Variants in ZNF33A observed in about 807,000 individuals in gnomAD.
ZNF33A encodes zinc finger protein 33A, also known as brain my041 protein.
A neutral mutation model predicts 15.9 loss-of-function variants in ZNF33A; 9 were observed. The observed-to-expected ratio is 0.57, with a 90% CI of 0.34 to 0.99. ZNF33A has a LOEUF of 0.99. Among genes scored for constraint, ZNF33A ranks in the 50% least tolerant of loss-of-function variants. ZNF33A has a pLI of 0.02. For synonymous variants in ZNF33A, 294 were observed against 324.2 expected (o/e 0.91, Z 1.00); for missense variants, 843 against 941.6 (o/e 0.90, Z 1.37).
intron 4 of ZNF33A, among the ~76,000 whole-genome samples, chr10:38,046,137 C>T (rs2065938617): frequency 6.6e-6 from 1 of 152,122 alleles, no homozygotes; most frequent in African/African-American, 2.4e-5. Context: ...TTTGGCAGTT[C>T]TTTTCTAGAA....
rs140578085 is a variant in ZNF33A at position 38,011,633 on chromosome 10, A to AT, written c.-44-657dup. Among the ~76,000 whole-genome samples the AT allele has an allele frequency of 1.8e-4, 28 of 152,122 alleles. No homozygotes were observed. In the Middle Eastern group the frequency reaches 0.01, roughly 55 times the overall value. ...TTGCCTCATTTGTTAGAAGAAAAAG[A>AT]TTTTTTTTGTTTTTTTGTTTGTTAA... is the stretch of plus-strand genomic sequence containing the variant. On this transcript the variant is annotated intron_variant, in intron 1 of 4. Coordinates refer to ENST00000432900, the MANE Select transcript of ZNF33A (RefSeq NM_006954.2).
intron 4 of ZNF33A, among the ~76,000 whole-genome samples, chr10:38,045,437 CTG>C (rs2135716087): frequency 6.6e-6 from 1 of 152,344 alleles, no homozygotes; most frequent in Admixed American, 6.5e-5. Context: ...GTTTTCAACA[CTG>C]TCCTGGACCA....
chr10:38,019,605 A>C (rs2064644860), intron 4 of ZNF33A, among the ~76,000 whole-genome samples: 1 of 152,260 alleles, frequency 6.6e-6, no homozygotes, highest in South Asian at 2.1e-4. Flanking sequence ...CTGAGAGGAA[A>C]GCACTATCAA....
chr10:38,038,949 C>T (rs958315741), intron 4 of ZNF33A, among the ~76,000 whole-genome samples: 4 of 152,024 alleles, frequency 2.6e-5, no homozygotes, highest in East Asian at 1.9e-4. Context: ...TGTATGTAAC[C>T]CTTTTTATAT....
rs372301160 is a variant in ZNF33A, at chr10:38,010,745, C to T, written c.-83C>T. The T allele has an allele frequency of 8.8e-6, 14 of 1,598,332 alleles. No individual in the cohort carries two copies. Among genetic ancestry groups the T allele is most frequent in the Admixed American group, 3.3e-5 (2 of 60,000 alleles). ...GGTCCCGGGATTTCAAGGGTCTACG[C>T]GCTTTTCTATGGCGAATGCAACCCG... is the stretch of plus-strand genomic sequence containing the variant. On this transcript the variant is annotated 5_prime_UTR_variant, in exon 1 of 5. Coordinates refer to ENST00000432900, the MANE Select transcript of ZNF33A (RefSeq NM_006954.2).
intron 1 of ZNF33A, among the ~76,000 whole-genome samples, 170 bp from the exon 2 acceptor site, chr10:38,012,128 T>C (rs2064213374): frequency 6.6e-6 from 1 of 152,190 alleles, no homozygotes; most frequent in Non-Finnish European, 1.5e-5. Context: ...TATTCCGAAG[T>C]GTTCTTCCAC....
intron 4 of ZNF33A, among the ~76,000 whole-genome samples, chr10:38,051,524 AAT>A (rs2135744704): frequency 6.6e-6 from 1 of 152,244 alleles, no homozygotes; most frequent in African/African-American, 2.4e-5. Context: ...AGTTGCTAAA[AAT>A]ATAAATTTTG....
At chr10:38,028,657 G>A (rs1002916946) in intron 4 of ZNF33A, among the ~76,000 whole-genome samples, 4 of 151,996 alleles carry the variant, frequency 2.6e-5, no homozygotes, top group South Asian at 2.1e-4. Context: ...TAGTAGAGAT[G>A]GAGTTTTGCT....
At chr10:38,040,089 CCTT>C (rs1341082673) in intron 4 of ZNF33A, among the ~76,000 whole-genome samples, 1 of 151,470 alleles carries the variant, frequency 6.6e-6, no homozygotes, top group Non-Finnish European at 1.5e-5. Context: ...TTCTAATTTT[CCTT>C]CTTATTGCTT....
intron 4 of ZNF33A, among the ~76,000 whole-genome samples, chr10:38,022,988 C>T (rs1343802088): frequency 6.6e-6 from 1 of 152,118 alleles, no homozygotes; most frequent in Non-Finnish European, 1.5e-5. Flanking sequence ...CTCAGTCACC[C>T]AGGCTGGAGT....
intron 4 of ZNF33A, among the ~76,000 whole-genome samples, chr10:38,037,237 T>C (rs1281615622): frequency 6.6e-6 from 1 of 152,222 alleles, no homozygotes; most frequent in Non-Finnish European, 1.5e-5. Context: ...AATTAGTTTT[T>C]GTATATGGTG....
At position 38,058,145 on chromosome 10, in the gene ZNF33A, A is replaced by G. The variant is rs568596874; in HGVS notation, c.*1585A>G. 5.5e-5 allele frequency: 43 copies of G among 780,706 alleles called. No homozygotes were observed. The South Asian group carries it at 2.1e-3, about 38-fold the overall frequency. 48.4% of individuals were successfully genotyped at this position (780,706 alleles called of 1,614,324 possible). A position where few individuals can be genotyped will look rare whatever the true frequency, so the allele number is the denominator to read the frequency against. On this transcript the variant is annotated 3_prime_UTR_variant, in exon 5 of 5. Coordinates refer to ENST00000432900, the MANE Select transcript of ZNF33A (RefSeq NM_006954.2). ...TAAATCCAAAGTAACCTGAAAAAAC[A>G]TTAGAGTAAAAATCATTGAAATTGA...
intron 4 of ZNF33A, among the ~76,000 whole-genome samples, chr10:38,051,709 A>T (rs768267991): frequency 2.6e-5 from 4 of 152,076 alleles, no homozygotes; most frequent in Non-Finnish European, 4.4e-5. Context: ...ACATTTTACA[A>T]GTAATAAAAT....
At position 38,054,382 on chromosome 10, in the gene ZNF33A, G is replaced by A. The variant is rs1383311111; in HGVS notation, c.258G>A (p.Trp86Ter). The A allele has an allele frequency of 6.4e-7, 1 of 1,555,872 alleles. No homozygotes were observed. The highest frequency in any genetic ancestry group is 2.1e-5 in the Admixed American group (1 of 48,506). ...AATTTTGCTTGTTTCTAGAAGTCTG[G>A]ACAGCTGATCACCTGAAAGAGAGGA... ...EFPSQSFPEV[W>*]TADHLKERSQ... The change falls in exon 5 of 5, where the codon TGG becomes TGA. Residue 86 changes from tryptophan to a stop codon, truncating the protein, a stop_gained. Transcript: ENST00000432900. LOFTEE classifies it high-confidence loss of function.
intron 2 of ZNF33A, among the ~76,000 whole-genome samples, chr10:38,013,058 C>A (rs1320105353): frequency 6.6e-6 from 1 of 152,084 alleles, no homozygotes; most frequent in Non-Finnish European, 1.5e-5. Context: ...ACACAGGTTC[C>A]AGTTTTCTTT....
intron 4 of ZNF33A, among the ~76,000 whole-genome samples, chr10:38,037,582 C>T (rs2065509048): frequency 6.6e-6 from 1 of 152,052 alleles, no homozygotes; most frequent in African/African-American, 2.4e-5. Context: ...CCTCAGCCTC[C>T]CAAAGTGCTA....
At chr10:38,024,098 G>A (rs2064869823) in intron 4 of ZNF33A, among the ~76,000 whole-genome samples, 1 of 146,236 alleles carries the variant, frequency 6.8e-6, no homozygotes, top group Admixed American at 7.0e-5. Context: ...GTTACGGTGA[G>A]CCGAGATCAC....
intron 4 of ZNF33A, among the ~76,000 whole-genome samples, chr10:38,035,433 T>C (rs1223852597): frequency 6.6e-6 from 1 of 152,166 alleles, no homozygotes; most frequent in Non-Finnish European, 1.5e-5. Flanking sequence ...TTTACTTTCA[T>C]TATTCTTTCC....
At chr10:38,020,728 T>C (rs1350814120) in intron 4 of ZNF33A, among the ~76,000 whole-genome samples, 1 of 152,186 alleles carries the variant, frequency 6.6e-6, no homozygotes, top group Non-Finnish European at 1.5e-5. Context: ...TCTTTATCTG[T>C]TTATCTGTGA....
Sources: allele counts gnomAD v4.1 joint callset (sites outside exome capture counted in the v4.1 genomes callset), GRCh38; gene constraint gnomAD v4.1.1; transcripts MANE v1.5; gene names NCBI Gene and HGNC (gene_info 2026-07-23, HGNC 2026-07-21).